Variants in CPQ observed in about 807,000 individuals in gnomAD.
CPQ encodes the protein Ser-Met dipeptidase.
CPQ carries 37 observed loss-of-function variants against 45.7 expected under a neutral mutation model. The observed-to-expected ratio is 0.81, with a 90% confidence interval of 0.62 to 1.07. The LOEUF is 1.07. Ranked by LOEUF, CPQ falls within the 50% of genes least tolerant of loss-of-function variation. The probability of loss-of-function intolerance (pLI) is 0.00; values close to 1 mark genes in which losing one functional copy is unlikely to be tolerated. For missense variants in CPQ, 537 were observed against 572.9 expected, an observed-to-expected ratio of 0.94 and a Z score of 0.64; for synonymous variants, 186 against 205.8, an observed-to-expected ratio of 0.90 and a Z score of 0.82.
chr8:97,034,470 G>A lies in CPQ; in HGVS notation c.1053+4976G>A, dbSNP rs185485165. Among the ~76,000 whole-genome samples, 10 of 152,280 alleles carry A rather than the reference G, an allele frequency of 6.6e-5. No individual in the cohort carries two copies. In the East Asian group the frequency reaches 1.9e-3, roughly 29 times the overall value. On this transcript the variant is annotated intron_variant, in intron 6 of 7. Coordinates refer to ENST00000220763, the MANE Select transcript of CPQ (RefSeq NM_016134.4). ...TGTCTTGGTATTAGCACATAAGCTT[G>A]AGAATGACTTATATGGACAGTATAT...
intron 3 of CPQ, among the ~76,000 whole-genome samples, chr8:96,869,998 A>G (rs1812045538): frequency 6.6e-6 from 1 of 152,082 alleles, no homozygotes; most frequent in Non-Finnish European, 1.5e-5. Flanking sequence ...CAAAATAGAT[A>G]GTGTCTATAC....
At chr8:96,798,562 G>A (rs1810965900) in intron 2 of CPQ, among the ~76,000 whole-genome samples, 2 of 152,030 alleles carry the variant, frequency 1.3e-5, no homozygotes, top group African/African-American at 2.4e-5. Context: ...GCCACATGGG[G>A]TCTATTTGCC....
chr8:96,764,717 G>A (rs1014444050), intron 1 of CPQ, among the ~76,000 whole-genome samples: 2 of 152,092 alleles, frequency 1.3e-5, no homozygotes, highest in Non-Finnish European at 1.5e-5. Flanking sequence ...ATGGCACTTG[G>A]GCAACTACTT....
intron 3 of CPQ, among the ~76,000 whole-genome samples, chr8:96,835,688 T>C (rs1454085419): frequency 2.0e-5 from 3 of 152,308 alleles, no homozygotes; most frequent in East Asian, 3.9e-4. Flanking sequence ...CTTAGGAATG[T>C]TTCTTAAACT....
At chr8:97,134,824 G>A (rs1052145509) in intron 7 of CPQ, among the ~76,000 whole-genome samples, 4 of 152,170 alleles carry the variant, frequency 2.6e-5, no homozygotes, top group Admixed American at 6.5e-5. Flanking sequence ...GACACATGAA[G>A]ATCTCTCCCT....
intron 3 of CPQ, among the ~76,000 whole-genome samples, chr8:96,850,039 T>C (rs1811749759): frequency 6.6e-6 from 1 of 152,194 alleles, no homozygotes; most frequent in African/African-American, 2.4e-5. Flanking sequence ...CCTTCCAGGA[T>C]TAAAGTAAGT....
chr8:96,720,847 G>A (rs112946962), intron 1 of CPQ, among the ~76,000 whole-genome samples: 8 of 152,020 alleles, frequency 5.3e-5, no homozygotes, highest in East Asian at 1.9e-4. Context: ...ATTTTCATCC[G>A]TTGGGGATGA....
At chr8:97,031,796 A>C (rs1412751291) in intron 6 of CPQ, among the ~76,000 whole-genome samples, 1 of 152,184 alleles carries the variant, frequency 6.6e-6, no homozygotes, top group East Asian at 1.9e-4. Context: ...TCTGCATTGC[A>C]TTTTCAGAGA....
intron 1 of CPQ, among the ~76,000 whole-genome samples, chr8:96,782,856 C>T (rs1464423845): frequency 6.6e-6 from 1 of 152,152 alleles, no homozygotes; most frequent in Non-Finnish European, 1.5e-5. Flanking sequence ...TGTTAAAGCC[C>T]TCAGGCATGG....
chr8:96,829,152 T>C (rs1811413941), intron 2 of CPQ, among the ~76,000 whole-genome samples: 1 of 152,112 alleles, frequency 6.6e-6, no homozygotes, highest in African/African-American at 2.4e-5. Flanking sequence ...CAGGTATCAG[T>C]ACAGCAAGTG....
intron 2 of CPQ, among the ~76,000 whole-genome samples, chr8:96,811,354 C>G (rs1361969351): frequency 6.6e-6 from 1 of 152,058 alleles, no homozygotes; most frequent in East Asian, 1.9e-4. Flanking sequence ...ACTCTTACTG[C>G]CTCCGTTCAT....
intron 7 of CPQ, among the ~76,000 whole-genome samples, chr8:97,093,333 A>G (rs1251729861): frequency 2.6e-5 from 4 of 152,206 alleles, no homozygotes; most frequent in African/African-American, 9.7e-5. Flanking sequence ...TCAGAGGAAC[A>G]TAAATTGTTC....
At chr8:96,820,612 T>C (rs1438968979) in intron 2 of CPQ, among the ~76,000 whole-genome samples, 1 of 152,040 alleles carries the variant, frequency 6.6e-6, no homozygotes, top group African/African-American at 2.4e-5. Context: ...TGGTCTTCAA[T>C]TCCATCTATG....
At chr8:96,936,867 A>T (rs1205414293) in intron 4 of CPQ, among the ~76,000 whole-genome samples, 1 of 152,124 alleles carries the variant, frequency 6.6e-6, no homozygotes, top group East Asian at 1.9e-4. Context: ...TGATTTCTCC[A>T]TTCCCATAGC....
intron 7 of CPQ, among the ~76,000 whole-genome samples, chr8:97,115,648 T>C (rs1811573646): frequency 6.6e-6 from 1 of 152,194 alleles, no homozygotes; most frequent in Admixed American, 6.5e-5. Flanking sequence ...TTGATTTCCT[T>C]TGGGCATGGC....
At chr8:97,008,604 G>A (rs888248616) in intron 5 of CPQ, among the ~76,000 whole-genome samples, 1 of 152,132 alleles carries the variant, frequency 6.6e-6, no homozygotes, top group Non-Finnish European at 1.5e-5. Flanking sequence ...GGGAATCCAC[G>A]TGTACAATGG....
intron 1 of CPQ, among the ~76,000 whole-genome samples, chr8:96,695,820 G>C (rs1363842493): frequency 6.6e-6 from 1 of 150,868 alleles, no homozygotes; most frequent in Non-Finnish European, 1.5e-5. Flanking sequence ...TGGAGAAATA[G>C]GAACACTTTT....
At chr8:96,809,887 C>T (rs951631081) in intron 2 of CPQ, among the ~76,000 whole-genome samples, 11 of 152,138 alleles carry the variant, frequency 7.2e-5, no homozygotes, top group African/African-American at 2.4e-4. Context: ...GTTTCAGCTT[C>T]GAGTAATGAA....
chr8:96,757,570 GC>G (rs1157467041), intron 1 of CPQ, among the ~76,000 whole-genome samples: 1 of 151,486 alleles, frequency 6.6e-6, no homozygotes, highest in African/African-American at 2.4e-5. Flanking sequence ...TTGTCAATAT[GC>G]TTTTAAACTC....
Sources: gnomAD v4.1 joint callset for allele counts (sites outside exome capture counted in the v4.1 genomes callset) on GRCh38, gnomAD v4.1.1 for gene constraint, MANE v1.5 for transcripts, NCBI Gene and HGNC (gene_info 2026-07-23, HGNC 2026-07-21) for gene names.